PTH2R: variants seen among roughly 807,000 people sequenced by gnomAD.
PTH2R encodes the protein parathyroid hormone 2 receptor, also known as PTH2 receptor.
A neutral mutation model predicts 60.3 loss-of-function variants in PTH2R; 59 were observed. The observed-to-expected ratio is 0.98, with a 90% CI of 0.79 to 1.22. The LOEUF is 1.22. PTH2R is among the 50% of genes most tolerant of loss of function. PTH2R has a pLI of 0.00. For missense variants in PTH2R, 749 were observed against 682.6 expected (o/e 1.10, Z -1.08); for synonymous variants, 256 against 243.8 (o/e 1.05, Z -0.47).
At chr2:208,403,872 C>A (rs577467111), upstream of PTH2R, among the ~76,000 whole-genome samples, 2 of 152,086 alleles carry the variant, frequency 1.3e-5, no homozygotes, top group Non-Finnish European at 2.9e-5. Flanking sequence ...TCTCTATGGG[C>A]GTCTCAGACT....
Position 208,490,692 on chromosome 2 carries a change from G to A in PTH2R, c.1257+12G>A, listed in dbSNP as rs1196589790. ...ACTGCAATGGAGAGGTAGGTTTGTA[G>A]GAACCTTGGACAGGTCTCGCTTCAG... On this transcript the variant is annotated intron_variant, in intron 12 of 12. Transcript: ENST00000272847. 3.7e-6 allele frequency: 6 copies of A among 1,606,852 alleles called. No individual in the cohort carries two copies. The South Asian group carries it at 6.7e-5, about 18-fold the overall frequency.
At chr2:208,360,717 C>A in intron 1 of PTH2R, 1 of 153,372 alleles carries the variant, frequency 6.5e-6, no homozygotes, top group South Asian at 1.9e-4. Context: ...AGGCCCTCCT[C>A]TTGTTGGCAT....
chr2:208,444,926 A>G, intron 7 of PTH2R, 39 bp downstream of exon 7: 1 of 1,572,726 alleles, frequency 6.4e-7, no homozygotes, highest in Non-Finnish European at 8.7e-7. Context: ...AAACTGGATG[A>G]TGCATTTGAT....
chr2:208,416,974 A>G (rs995930637), intron 1 of PTH2R, among the ~76,000 whole-genome samples: 1 of 152,140 alleles, frequency 6.6e-6, no homozygotes, highest in Non-Finnish European at 1.5e-5. Context: ...TTATATATAT[A>G]TCTATTCCAT....
In PTH2R at chr2:208,433,570, G is replaced by A. The variant is rs1435170287; in HGVS notation, c.179-3967G>A. The stretch of plus-strand genomic sequence containing the variant: ...TATTAGCAGCTGTCAATTCTAGTTT[G>A]TGAGTATATGATTTTCTGTTTTATT... On this transcript the variant is annotated intron_variant, in intron 2 of 12. Transcript: ENST00000272847. 4.6e-5 allele frequency among the ~76,000 whole-genome samples: 7 copies of A among 152,272 alleles called. No individual in the cohort carries two copies. The East Asian group carries it at 1.3e-3, about 29-fold the overall frequency.
At chr2:208,391,581 A>G (rs181522048) in intron 1 of PTH2R, among the ~76,000 whole-genome samples, 1 of 152,310 alleles carries the variant, frequency 6.6e-6, no homozygotes. Flanking sequence ...TTTCCAGGTT[A>G]AAAGATGAGT....
Position 208,373,510 on chromosome 2 carries a change from T to G in PTH2R, c.-259+13273T>G, listed in dbSNP as rs181425464. Among the ~76,000 whole-genome samples, 230 of 152,222 alleles carry G rather than the reference T, an allele frequency of 1.5e-3. 1 individual carries two copies. The highest frequency in any genetic ancestry group is 1.6e-3 in the Non-Finnish European group (108 of 68,028). On this transcript the variant is annotated intron_variant, in intron 1 of 12. Coordinates refer to the PTH2R transcript ENST00000617735. ...TGGAGGAAATTTTTAACTTGATGAA[T>G]TCTCACCTTTAGGACACTGTCTGCT... is the stretch of plus-strand genomic sequence containing the variant.
chr2:208,440,310 C>A (rs969536743), intron 4 of PTH2R, among the ~76,000 whole-genome samples: 2 of 152,160 alleles, frequency 1.3e-5, no homozygotes, highest in African/African-American at 4.8e-5. Flanking sequence ...GAAGTACTAA[C>A]AGTGTTTCTT....
chr2:208,388,136 C>CA (rs1553540998), intron 1 of PTH2R, among the ~76,000 whole-genome samples: 1 of 149,114 alleles, frequency 6.7e-6, no homozygotes, highest in Non-Finnish European at 1.5e-5. Context: ...GGTGAAACCC[C>CA]CCCCCCCGTC....
At chr2:208,369,616 C>T (rs536074686) in intron 1 of PTH2R, among the ~76,000 whole-genome samples, 86 of 152,086 alleles carry the variant, frequency 5.7e-4, no homozygotes, top group Middle Eastern at 3.4e-3. Flanking sequence ...CCTCGGCCTC[C>T]CAAAGTGCTG....
At chr2:208,365,741 CTT>C (rs776318745) in intron 1 of PTH2R, among the ~76,000 whole-genome samples, 28 of 126,182 alleles carry the variant, frequency 2.2e-4, no homozygotes, top group Non-Finnish European at 2.9e-4. Flanking sequence ...GATGTAAATT[CTT>C]TTTTTTTTTT....
intron 1 of PTH2R, among the ~76,000 whole-genome samples, chr2:208,383,764 A>G (rs564644146): frequency 9.8e-5 from 15 of 152,352 alleles, no homozygotes; most frequent in Admixed American, 9.8e-4. Flanking sequence ...ATGATTCACA[A>G]TGAACACAGT....
chr2:208,437,779 T>C lies in PTH2R; in HGVS notation c.309T>C (p.Cys103=), dbSNP rs1055827839. ...FNHKGVAFRH[C]NPNGTWDFMH... ...TTACAGGAGTTGCTTTCCGACACTG[T>C]AACCCCAATGGAACATGGGATTTTA... The change falls in exon 4 of 13, where the codon TGT becomes TGC. Residue 103 remains cysteine, a synonymous_variant. Coordinates refer to ENST00000272847, the MANE Select transcript of PTH2R (RefSeq NM_005048.4). The C allele has an allele frequency of 8.1e-6, 13 of 1,613,768 alleles. No individual in the cohort carries two copies. Among genetic ancestry groups the C allele is most frequent in the Non-Finnish European group, 1.1e-5 (13 of 1,179,678 alleles).
At chr2:208,426,664 T>G (rs1285760452) in intron 1 of PTH2R, among the ~76,000 whole-genome samples, 1 of 152,126 alleles carries the variant, frequency 6.6e-6, no homozygotes, top group Non-Finnish European at 1.5e-5. Flanking sequence ...ATCTTGTGGT[T>G]TTGTAAATGT....
chr2:208,446,380 C>A (rs1266571580), intron 7 of PTH2R, among the ~76,000 whole-genome samples: 1 of 152,136 alleles, frequency 6.6e-6, no homozygotes, highest in Non-Finnish European at 1.5e-5. Flanking sequence ...TTCTTACCTT[C>A]CTTTACAGCT....
chr2:208,381,765 G>A (rs147156456), intron 1 of PTH2R, among the ~76,000 whole-genome samples: 2 of 152,226 alleles, frequency 1.3e-5, no homozygotes, highest in African/African-American at 4.8e-5. Flanking sequence ...GAGTGACAGT[G>A]ACTTGCTCTA....
chr2:208,383,224 A>G (rs956137883), intron 1 of PTH2R, among the ~76,000 whole-genome samples: 47 of 152,216 alleles, frequency 3.1e-4, no homozygotes, highest in Non-Finnish European at 6.3e-4. Flanking sequence ...ACTTGGATCT[A>G]AAGTAAGGAC....
In PTH2R at chr2:208,387,863, C is replaced by T. The variant is rs182102890; in HGVS notation, c.-259+27626C>T. ...ATGCTCTCATGTTAAATATCTTATT[C>T]CAGGATCACAGATGATGCTGCCAGT... On this transcript the variant is annotated intron_variant, in intron 1 of 12. Transcript: ENST00000617735. 5.9e-5 allele frequency among the ~76,000 whole-genome samples: 9 copies of T among 152,240 alleles called. No homozygotes were observed. The East Asian group carries it at 1.7e-3, about 29-fold the overall frequency.
intron 1 of PTH2R, chr2:208,360,355 G>A: frequency 3.2e-6 from 1 of 308,402 alleles, no homozygotes; most frequent in South Asian, 2.8e-5. Context: ...CGAGCCCCTC[G>A]GGGCCCCTTC....
Sources: allele counts gnomAD v4.1 joint callset (sites outside exome capture counted in the v4.1 genomes callset), GRCh38; gene constraint gnomAD v4.1.1; transcripts MANE v1.5; gene names NCBI Gene and HGNC (gene_info 2026-07-23, HGNC 2026-07-21).